Variants in COMMD1 observed in about 807,000 individuals in gnomAD.
COMMD1 encodes the protein copper metabolism domain containing 1.
COMMD1 carries 10 observed loss-of-function variants against 17.2 expected under a neutral mutation model. The ratio of observed to expected loss-of-function variants is 0.58; its 90% CI spans 0.36 to 0.99. The LOEUF (loss-of-function observed/expected upper bound fraction) is 0.99. COMMD1 is among the 50% of genes least tolerant of loss of function. The pLI, the probability that COMMD1 is intolerant of heterozygous loss-of-function variation, is 0.01. For missense variants in COMMD1, 270 were observed against 231.8 expected, an observed-to-expected ratio of 1.17 and a Z score of -1.07; for synonymous variants, 97 against 91.6, an observed-to-expected ratio of 1.06 and a Z score of -0.34.
chr2:62,112,614 A>G (rs1452159646), intron 2 of COMMD1, among the ~76,000 whole-genome samples: 1 of 152,244 alleles, frequency 6.6e-6, no homozygotes, highest in African/African-American at 2.4e-5. Context: ...ACCTGACACA[A>G]TGTTGGGTGC....
chr2:61,997,057 C>CTTTTTTTTT (rs776532911), intron 1 of COMMD1, among the ~76,000 whole-genome samples: 2 of 141,748 alleles, frequency 1.4e-5, no homozygotes, highest in Admixed American at 7.1e-5. Flanking sequence ...GTATTTCTTT[C>CTTTTTTTTT]TTTTTTTTTT....
chr2:61,949,044 G>T (rs1670985611), intron 1 of COMMD1, among the ~76,000 whole-genome samples: 1 of 152,192 alleles, frequency 6.6e-6, no homozygotes, highest in Non-Finnish European at 1.5e-5. Flanking sequence ...GAGGCAGGAG[G>T]ATCACTTGAG....
At position 62,042,595 on chromosome 2, in the gene COMMD1, C is replaced by T. The variant is rs368920267; in HGVS notation, c.462+41613C>T. Among the ~76,000 whole-genome samples, 15 of 152,246 alleles carry T rather than the reference C, an allele frequency of 9.9e-5. No homozygotes were observed. The East Asian group carries it at 2.7e-3, about 28-fold the overall frequency. On this transcript the variant is annotated intron_variant, in intron 2 of 2. Transcript: ENST00000311832. ...GCCGAGCGCAGCCCCGGCTCCCGCC[C>T]GTGCCTCTCCCTCCACACCTCCCCG...
chr2:62,002,889 A>G (rs970450331), intron 2 of COMMD1, among the ~76,000 whole-genome samples: 2 of 152,018 alleles, frequency 1.3e-5, no homozygotes, highest in African/African-American at 4.8e-5. Flanking sequence ...TTATTCAGTT[A>G]TTATAAAGTA....
At chr2:62,122,439 CT>C (rs34852744) in intron 2 of COMMD1, among the ~76,000 whole-genome samples, 47,295 of 136,396 alleles carry the variant, frequency 0.35, 7,739 homozygotes, top group African/African-American at 0.45. Context: ...AAGTTTCTTT[CT>C]TTTCTTTTTT....
At chr2:61,934,051 C>A (rs1670540043) in intron 1 of COMMD1, among the ~76,000 whole-genome samples, 1 of 152,176 alleles carries the variant, frequency 6.6e-6, no homozygotes, top group Non-Finnish European at 1.5e-5. Context: ...AGGTATGAGC[C>A]ACTACGCCCG....
intron 1 of COMMD1, among the ~76,000 whole-genome samples, chr2:61,892,302 C>G (rs537863273): frequency 6.6e-6 from 1 of 152,198 alleles, no homozygotes; most frequent in African/African-American, 2.4e-5. Flanking sequence ...AATACTTTGT[C>G]AGCCATCCAA....
chr2:61,950,815 A>G (rs541018250), intron 1 of COMMD1, among the ~76,000 whole-genome samples: 1 of 152,290 alleles, frequency 6.6e-6, no homozygotes, highest in East Asian at 1.9e-4. Context: ...GTCAGGAAGG[A>G]GTGGGAGGGT....
At chr2:61,919,168 T>C (rs1181845944) in intron 1 of COMMD1, among the ~76,000 whole-genome samples, 2 of 152,038 alleles carry the variant, frequency 1.3e-5, no homozygotes, top group Non-Finnish European at 2.9e-5. Flanking sequence ...TGCGCCACCA[T>C]GCCCAGCTAA....
At chr2:62,011,674 A>G (rs939861007) in intron 2 of COMMD1, among the ~76,000 whole-genome samples, 1 of 152,172 alleles carries the variant, frequency 6.6e-6, no homozygotes, top group Non-Finnish European at 1.5e-5. Context: ...AGACAAGTTT[A>G]TTATCTTATG....
chr2:61,946,954 G>A (rs190235488), intron 1 of COMMD1, among the ~76,000 whole-genome samples: 18 of 152,168 alleles, frequency 1.2e-4, no homozygotes, highest in Admixed American at 5.2e-4. Flanking sequence ...TTTTGTTTAC[G>A]TATATAAATT....
intron 2 of COMMD1, among the ~76,000 whole-genome samples, chr2:62,097,398 T>C (rs1326259415): frequency 6.6e-6 from 1 of 152,174 alleles, no homozygotes; most frequent in Non-Finnish European, 1.5e-5. Context: ...GACTGAATTC[T>C]ACCAGTATCT....
chr2:62,076,572 C>A (rs926853815), intron 2 of COMMD1, among the ~76,000 whole-genome samples: 7 of 152,208 alleles, frequency 4.6e-5, no homozygotes, highest in South Asian at 2.1e-4. Context: ...CATGGTGAAA[C>A]CCCGTCGCTA....
At chr2:61,939,786 A>C (rs1378909319) in intron 1 of COMMD1, among the ~76,000 whole-genome samples, 1 of 152,220 alleles carries the variant, frequency 6.6e-6, no homozygotes, top group Non-Finnish European at 1.5e-5. Flanking sequence ...GCAGCCTTCC[A>C]AACAAGGTGT....
intron 1 of COMMD1, among the ~76,000 whole-genome samples, chr2:61,989,258 C>G (rs1487735074): frequency 2.6e-5 from 4 of 152,088 alleles, no homozygotes; most frequent in Admixed American, 6.6e-5. Context: ...AATGGATGAA[C>G]CAAAATTGGC....
At chr2:61,957,237 T>C (rs1392696555) in intron 1 of COMMD1, among the ~76,000 whole-genome samples, 1 of 152,068 alleles carries the variant, frequency 6.6e-6, no homozygotes, top group South Asian at 2.1e-4. Context: ...GGATTACAGG[T>C]GTAGGTTTAT....
chr2:61,967,402 T>C (rs1357995051), intron 1 of COMMD1, among the ~76,000 whole-genome samples: 2 of 152,246 alleles, frequency 1.3e-5, no homozygotes, highest in Non-Finnish European at 2.9e-5. Flanking sequence ...CATGGTGGAC[T>C]GGTAGTGAAG....
Position 62,051,075 on chromosome 2 carries a change from A to G in COMMD1, c.462+50093A>G, listed in dbSNP as rs1419880962. Reference sequence around the variant, plus strand: ...AGAAATGCCCTCTAATGAGAAGACTATAAAGAAGTTTACAGATTGTTAGAG... The same window carrying G: ...AGAAATGCCCTCTAATGAGAAGACTGTAAAGAAGTTTACAGATTGTTAGAG... On this transcript the variant is annotated intron_variant, in intron 2 of 2. Transcript: ENST00000311832. Among the ~76,000 whole-genome samples the G allele has an allele frequency of 3.3e-5, 5 of 152,186 alleles. No homozygotes were observed. The South Asian group carries it at 6.2e-4, about 19-fold the overall frequency.
chr2:61,900,474 G>A (rs1424995026), intron 1 of COMMD1, among the ~76,000 whole-genome samples: 1 of 152,260 alleles, frequency 6.6e-6, no homozygotes, highest in Non-Finnish European at 1.5e-5. Flanking sequence ...CTGCAGGCAT[G>A]ACTTAACTCT....
Sources: allele counts gnomAD v4.1 joint callset (sites outside exome capture counted in the v4.1 genomes callset), GRCh38; gene constraint gnomAD v4.1.1; transcripts MANE v1.5; gene names NCBI Gene and HGNC (gene_info 2026-07-23, HGNC 2026-07-21).